The following PDE4D variants were observed in gnomAD, a reference collection of about 807,000 sequenced individuals.
PDE4D encodes the protein 3',5'-cyclic-AMP phosphodiesterase 4D.
PDE4D carries 24 observed loss-of-function variants against 87.4 expected under a neutral mutation model. That is an observed-to-expected ratio of 0.27 (90% CI 0.20 to 0.39). The LOEUF (loss-of-function observed/expected upper bound fraction) is 0.39. Ranked by LOEUF, PDE4D falls within the 10% of genes least tolerant of loss-of-function variation. The pLI, the probability that PDE4D is intolerant of heterozygous loss-of-function variation, is 1.00. For missense variants in PDE4D, 714 were observed against 1,041.0 expected (o/e 0.69, Z 4.32); for synonymous variants, 384 against 383.2 (o/e 1.00, Z -0.02).
At chr5:60,060,235 T>C (rs1771245455) in intron 2 of PDE4D, among the ~76,000 whole-genome samples, 1 of 152,104 alleles carries the variant, frequency 6.6e-6, no homozygotes, top group African/African-American at 2.4e-5. Context: ...GATAAAATTC[T>C]TTTAAATTTG....
intron 1 of PDE4D, chr5:60,430,253 A>C (rs891904154): frequency 2.2e-5 from 11 of 508,596 alleles, no homozygotes; most frequent in South Asian, 1.4e-4. Flanking sequence ...TCTTCTTCTC[A>C]TCACCCTTCT....
intron 2 of PDE4D, among the ~76,000 whole-genome samples, chr5:60,155,986 T>C (rs748725127): frequency 6.6e-6 from 1 of 152,218 alleles, no homozygotes; most frequent in African/African-American, 2.4e-5. Context: ...GAGGAACTTG[T>C]GTGCTCAAGC....
At chr5:59,865,846 G>A (rs543870507) in intron 1 of PDE4D, among the ~76,000 whole-genome samples, 81 of 152,286 alleles carry the variant, frequency 5.3e-4, no homozygotes, top group African/African-American at 1.9e-3. Flanking sequence ...CTGAGTCAGA[G>A]ATACAAAGGG....
At chr5:59,669,890 A>T (rs1746904286) in intron 1 of PDE4D, among the ~76,000 whole-genome samples, 1 of 152,192 alleles carries the variant, frequency 6.6e-6, no homozygotes, top group South Asian at 2.1e-4. Flanking sequence ...ACCATTTAAA[A>T]CACAGCATTT....
intron 2 of PDE4D, among the ~76,000 whole-genome samples, chr5:59,199,303 G>C (rs983337574): frequency 6.7e-6 from 1 of 148,812 alleles, no homozygotes; most frequent in Non-Finnish European, 1.5e-5. Context: ...ATGTTGCCCA[G>C]ACTGGCCTTG....
At chr5:59,483,957 C>G (rs1804681924) in intron 1 of PDE4D, among the ~76,000 whole-genome samples, 1 of 152,174 alleles carries the variant, frequency 6.6e-6, no homozygotes, top group African/African-American at 2.4e-5. Context: ...ATAAATGCAG[C>G]AAAGATTATT....
At chr5:59,149,804 T>A (rs558944816) in intron 5 of PDE4D, among the ~76,000 whole-genome samples, 1 of 147,868 alleles carries the variant, frequency 6.8e-6, no homozygotes, top group East Asian at 2.1e-4. Context: ...AAGAGGTTCC[T>A]ATCACTAGGC....
At chr5:59,770,257 A>G (rs1338131625) in intron 1 of PDE4D, among the ~76,000 whole-genome samples, 1 of 151,998 alleles carries the variant, frequency 6.6e-6, no homozygotes, top group Non-Finnish European at 1.5e-5. Context: ...CTATATTTCT[A>G]TACAGTGGGC....
intron 1 of PDE4D, among the ~76,000 whole-genome samples, chr5:60,438,042 C>G (rs1253317676): frequency 2.0e-5 from 3 of 152,092 alleles, no homozygotes; most frequent in Non-Finnish European, 4.4e-5. Context: ...TGAAGTGACC[C>G]TTGGTGAGGG....
intron 1 of PDE4D, among the ~76,000 whole-genome samples, chr5:60,389,358 T>TA (rs999188140): frequency 9.2e-5 from 14 of 152,080 alleles, no homozygotes; most frequent in African/African-American, 3.4e-4. Context: ...AAGGAGAGAA[T>TA]AAAAAAACTC....
At chr5:59,103,697 C>T (rs981121582) in intron 5 of PDE4D, among the ~76,000 whole-genome samples, 1 of 152,122 alleles carries the variant, frequency 6.6e-6, no homozygotes, top group Non-Finnish European at 1.5e-5. Flanking sequence ...AGTTTGAAGA[C>T]CTTTGAGCTA....
intron 1 of PDE4D, among the ~76,000 whole-genome samples, chr5:59,410,553 A>C (rs1432890553): frequency 6.6e-6 from 1 of 152,070 alleles, no homozygotes; most frequent in Non-Finnish European, 1.5e-5. Context: ...GGCAAGTTCA[A>C]GTATTTTTAT....
chr5:59,168,324 G>A (rs764354109), intron 5 of PDE4D, among the ~76,000 whole-genome samples: 12 of 152,160 alleles, frequency 7.9e-5, no homozygotes, highest in Non-Finnish European at 1.8e-4. Flanking sequence ...GAAGCAAGGT[G>A]AGTGCTAACG....
intron 1 of PDE4D, among the ~76,000 whole-genome samples, chr5:59,627,100 G>A (rs1262671218): frequency 6.6e-6 from 1 of 151,876 alleles, no homozygotes; most frequent in Non-Finnish European, 1.5e-5. Context: ...ACCACATTCA[G>A]GCAATAAGAA....
intron 1 of PDE4D, among the ~76,000 whole-genome samples, chr5:59,707,333 A>G (rs1376761001): frequency 6.6e-6 from 1 of 152,120 alleles, no homozygotes; most frequent in Non-Finnish European, 1.5e-5. Flanking sequence ...CACTGAGGGG[A>G]ATAAAAAATG....
intron 5 of PDE4D, among the ~76,000 whole-genome samples, chr5:59,158,661 T>A (rs1197081487): frequency 6.6e-6 from 1 of 152,168 alleles, no homozygotes; most frequent in Non-Finnish European, 1.5e-5. Context: ...TTTATAATAA[T>A]AAAATATTAG....
At chr5:59,071,948 C>T (rs988614328) in intron 5 of PDE4D, among the ~76,000 whole-genome samples, 3 of 152,086 alleles carry the variant, frequency 2.0e-5, no homozygotes, top group African/African-American at 4.8e-5. Flanking sequence ...CTTGGCCTCC[C>T]GAAGTGTTGG....
chr5:59,077,536 C>T (rs965855023), intron 5 of PDE4D, among the ~76,000 whole-genome samples: 3 of 144,168 alleles, frequency 2.1e-5, no homozygotes, highest in Admixed American at 1.5e-4. Context: ...TGCAGTGGTG[C>T]GATCTCGCTG....
At chr5:60,473,166 AGGAAGGAAGGAAGGAAAAAG>A (rs1201027706) in intron 1 of PDE4D, among the ~76,000 whole-genome samples, 3 of 134,014 alleles carry the variant, frequency 2.2e-5, no homozygotes, top group Non-Finnish European at 3.3e-5. Context: ...GAAGGAAGGA[AGGAAGGAAGGAAGGAAAAAG>A]AAAGAAAAAA....
Sources: allele counts gnomAD v4.1 joint callset (sites outside exome capture counted in the v4.1 genomes callset), GRCh38; gene constraint gnomAD v4.1.1; transcripts MANE v1.5; gene names NCBI Gene and HGNC (gene_info 2026-07-23, HGNC 2026-07-21).